The following KCNIP4 variants were observed in gnomAD, a reference collection of about 807,000 sequenced individuals.
KCNIP4 encodes the protein potassium voltage-gated channel interacting protein 4.
Under a neutral mutation model 34.0 loss-of-function variants are expected in KCNIP4, and 12 were observed. That is an observed-to-expected ratio of 0.35 (90% CI 0.23 to 0.57). KCNIP4 has a LOEUF of 0.57. Among genes scored for constraint, KCNIP4 ranks in the 20% least tolerant of loss-of-function variants. KCNIP4 has a pLI of 0.83. For missense variants in KCNIP4, 238 were observed against 311.7 expected (o/e 0.76, Z 1.78); for synonymous variants, 124 against 102.2 (o/e 1.21, Z -1.29).
At chr4:21,276,500 C>T (rs979007361) in intron 1 of KCNIP4, among the ~76,000 whole-genome samples, 1 of 151,966 alleles carries the variant, frequency 6.6e-6, no homozygotes, top group Non-Finnish European at 1.5e-5. Flanking sequence ...CCACCGCACC[C>T]AGTCTTTTCA....
intron 1 of KCNIP4, among the ~76,000 whole-genome samples, chr4:20,954,001 AT>A (rs1035851003): frequency 6.6e-6 from 1 of 151,998 alleles, no homozygotes; most frequent in African/African-American, 2.4e-5. Flanking sequence ...TCTGTGCAGG[AT>A]TTTTTTTATA....
intron 1 of KCNIP4, among the ~76,000 whole-genome samples, chr4:20,897,806 G>A (rs1318040486): frequency 2.0e-5 from 3 of 152,200 alleles, no homozygotes; most frequent in Admixed American, 6.5e-5. Flanking sequence ...TGGATGTCCA[G>A]CCTCCAGAAC....
intron 1 of KCNIP4, among the ~76,000 whole-genome samples, chr4:21,177,885 A>ATATATATATGTAT (rs1560784838): frequency 4.8e-5 from 7 of 145,882 alleles, no homozygotes; most frequent in African/African-American, 1.6e-4. Flanking sequence ...TATAAAATAT[A>ATATATATATGTAT]ACATTTAAAA....
intron 1 of KCNIP4, among the ~76,000 whole-genome samples, chr4:21,836,355 A>C (rs1405275892): frequency 6.6e-6 from 1 of 152,156 alleles, no homozygotes; most frequent in African/African-American, 2.4e-5. Context: ...AAAGCCTAGA[A>C]AGGAGATAAT....
intron 1 of KCNIP4, among the ~76,000 whole-genome samples, chr4:21,903,549 T>C (rs994509505): frequency 1.3e-5 from 2 of 152,172 alleles, no homozygotes; most frequent in Non-Finnish European, 2.9e-5. Flanking sequence ...CTACAGGCAC[T>C]GATTGTTTCA....
At chr4:21,764,834 C>G (rs1273588071) in intron 1 of KCNIP4, among the ~76,000 whole-genome samples, 2 of 152,084 alleles carry the variant, frequency 1.3e-5, no homozygotes, top group African/African-American at 4.8e-5. Flanking sequence ...AACCCCCAGA[C>G]TAGCTGGAGG....
intron 1 of KCNIP4, among the ~76,000 whole-genome samples, chr4:21,679,400 G>C (rs191250698): frequency 3.9e-4 from 60 of 152,252 alleles, no homozygotes; most frequent in Non-Finnish European, 2.4e-4. Context: ...GCAAAGGATA[G>C]GTACTTAATG....
intron 1 of KCNIP4, chr4:21,855,811 C>A (rs7677885): frequency 0.94 from 142,494 of 152,084 alleles, 67,224 homozygotes; most frequent in East Asian, 0.99. Flanking sequence ...TGCACCCTTG[C>A]CCTTCTTCCC....
At chr4:21,434,769 G>A (rs1726801022) in intron 1 of KCNIP4, among the ~76,000 whole-genome samples, 1 of 142,204 alleles carries the variant, frequency 7.0e-6, no homozygotes, top group Non-Finnish European at 1.5e-5. Context: ...TGTCTGTGGG[G>A]GGAAAAAAAA....
rs6846607 is a variant in KCNIP4, at chr4:21,267,326, A to T, written c.62-384617T>A. 2.8e-3 allele frequency among the ~76,000 whole-genome samples: 429 copies of T among 151,492 alleles called. 2 individuals are homozygous for T. The highest frequency in any genetic ancestry group is 9.3e-3 in the African/African-American group (382 of 41,178). On this transcript the variant is annotated intron_variant, in intron 1 of 8. Coordinates refer to ENST00000382152, the MANE Select transcript of KCNIP4 (RefSeq NM_025221.6). Reference sequence around the variant, plus strand: ...AATACCATGGTGTTATGTTTGACTAACCTCGGGTCCTGCATGAATAAAGGT... The same window carrying T: ...AATACCATGGTGTTATGTTTGACTATCCTCGGGTCCTGCATGAATAAAGGT...
intron 1 of KCNIP4, among the ~76,000 whole-genome samples, chr4:21,000,472 G>A (rs1738024511): frequency 6.6e-6 from 1 of 152,016 alleles, no homozygotes; most frequent in Non-Finnish European, 1.5e-5. Flanking sequence ...ATCACATGAG[G>A]TCAGGAGTTC....
At chr4:21,225,785 AT>A (rs1758336709) in intron 1 of KCNIP4, among the ~76,000 whole-genome samples, 1 of 152,152 alleles carries the variant, frequency 6.6e-6, no homozygotes. Context: ...GAATAATTTG[AT>A]TTGGAAGAAG....
At chr4:21,909,940 G>C (rs369186314) in intron 1 of KCNIP4, among the ~76,000 whole-genome samples, 36 of 152,072 alleles carry the variant, frequency 2.4e-4, no homozygotes, top group African/African-American at 8.4e-4. Context: ...CTCCCACCAG[G>C]TCCCTCCCAC....
In KCNIP4 at chr4:20,944,219, C is replaced by T. The variant is rs990246366; in HGVS notation, c.62-61510G>A. 2.0e-5 allele frequency among the ~76,000 whole-genome samples: 3 copies of T among 152,192 alleles called. No homozygotes were observed. In the East Asian group the frequency reaches 5.8e-4, roughly 29 times the overall value. ...TGCTCCATTTTTCTCAGCTGCAGTGCCCCTGAAAGGGAATCTCTGGCCACC... is the reference window on the plus strand; with the variant it reads ...TGCTCCATTTTTCTCAGCTGCAGTGTCCCTGAAAGGGAATCTCTGGCCACC... On this transcript the variant is annotated intron_variant, in intron 1 of 8. Transcript: ENST00000382152.
At chr4:20,771,626 C>G (rs1755888339) in intron 3 of KCNIP4, among the ~76,000 whole-genome samples, 1 of 151,924 alleles carries the variant, frequency 6.6e-6, no homozygotes, top group East Asian at 1.9e-4. Context: ...TAAAGTCTAT[C>G]CAAAGACACT....
chr4:21,032,574 T>A (rs191880041), intron 1 of KCNIP4, among the ~76,000 whole-genome samples: 124 of 152,188 alleles, frequency 8.1e-4, no homozygotes, highest in Non-Finnish European at 1.5e-3. Flanking sequence ...CTGAACCTGT[T>A]TTAGAGAGCC....
At chr4:21,021,864 A>C (rs759153611) in intron 1 of KCNIP4, among the ~76,000 whole-genome samples, 1,174 of 85,142 alleles carry the variant, frequency 0.014, 9 homozygotes, top group African/African-American at 0.025. Context: ...AGTATCGTAT[A>C]GTATAGTATA....
intron 1 of KCNIP4, among the ~76,000 whole-genome samples, chr4:21,574,320 C>A (rs537512879): frequency 6.6e-6 from 1 of 151,970 alleles, no homozygotes; most frequent in Non-Finnish European, 1.5e-5. Flanking sequence ...GTGAAACTGG[C>A]GTTTTTCTTT....
At position 21,029,111 on chromosome 4, in the gene KCNIP4, C is replaced by T. The variant is rs956138384; in HGVS notation, c.62-146402G>A. ...AATAGATTTGACTTAATTATCTATA[C>T]GTTTAAAATGTAAATGCAGCCTTTC... On this transcript the variant is annotated intron_variant, in intron 1 of 8. Transcript: ENST00000382152. Among the ~76,000 whole-genome samples the T allele has an allele frequency of 5.9e-5, 9 of 152,066 alleles. 1 individual carries two copies. The highest frequency in any genetic ancestry group is 4.1e-4 in the South Asian group (2 of 4,826).
Sources: allele counts gnomAD v4.1 joint callset (sites outside exome capture counted in the v4.1 genomes callset), GRCh38; gene constraint gnomAD v4.1.1; transcripts MANE v1.5; gene names NCBI Gene and HGNC (gene_info 2026-07-23, HGNC 2026-07-21).